Variants in UVRAG observed in about 807,000 individuals in gnomAD.
UVRAG encodes UV radiation resistance associated, also known as UV radiation resistance-associated gene protein.
UVRAG carries 19 observed loss-of-function variants against 78.0 expected under a neutral mutation model. The ratio of observed to expected loss-of-function variants is 0.24; its 90% CI spans 0.17 to 0.36. The LOEUF is 0.36. UVRAG is among the 10% of genes least tolerant of loss of function. UVRAG has a pLI of 1.00. For synonymous variants in UVRAG, 323 were observed against 324.6 expected (o/e 1.00, Z 0.05); for missense variants, 740 against 853.8 (o/e 0.87, Z 1.66).
intron 3 of UVRAG, among the ~76,000 whole-genome samples, chr11:75,871,741 A>C (rs1018691173): frequency 6.6e-6 from 1 of 152,174 alleles, no homozygotes; most frequent in African/African-American, 2.4e-5. Flanking sequence ...GTTGTAGGTT[A>C]TGTTCAGCTT....
chr11:75,995,297 C>T (rs1366275522), intron 8 of UVRAG, among the ~76,000 whole-genome samples: 2 of 151,334 alleles, frequency 1.3e-5, no homozygotes, highest in African/African-American at 4.9e-5. Flanking sequence ...TACTTTTCTC[C>T]TATTTTACTT....
At chr11:76,054,492 C>A (rs181966634) in intron 12 of UVRAG, among the ~76,000 whole-genome samples, 1 of 152,340 alleles carries the variant, frequency 6.6e-6, no homozygotes, top group African/African-American at 2.4e-5. Context: ...GCTGTGACCT[C>A]CAGGACCCTG....
intron 12 of UVRAG, among the ~76,000 whole-genome samples, chr11:76,046,216 C>T (rs373271787): frequency 6.6e-6 from 1 of 152,074 alleles, no homozygotes; most frequent in East Asian, 1.9e-4. Flanking sequence ...TGCACCTTTC[C>T]TAGGAAACTT....
intron 1 of UVRAG, among the ~76,000 whole-genome samples, chr11:75,822,981 C>T (rs1174851401): frequency 6.6e-6 from 1 of 152,094 alleles, no homozygotes; most frequent in Non-Finnish European, 1.5e-5. Flanking sequence ...TGACCATTCT[C>T]CTTCTAGGAG....
intron 8 of UVRAG, among the ~76,000 whole-genome samples, chr11:75,994,771 C>T (rs1949672798): frequency 6.6e-6 from 1 of 152,182 alleles, no homozygotes; most frequent in African/African-American, 2.4e-5. Flanking sequence ...GTCATTACTG[C>T]TTTCTCTAGT....
chr11:75,978,031 G>A (rs1172386831), intron 7 of UVRAG, among the ~76,000 whole-genome samples: 5 of 152,236 alleles, frequency 3.3e-5, no homozygotes, highest in Non-Finnish European at 4.4e-5. Flanking sequence ...CATGTTTAGC[G>A]CTTCCTTCAG....
intron 13 of UVRAG, among the ~76,000 whole-genome samples, chr11:76,084,369 G>A (rs1042332230): frequency 4.6e-5 from 7 of 152,214 alleles, no homozygotes; most frequent in Admixed American, 4.6e-4. Flanking sequence ...AGAATGTACC[G>A]CTTTTATTAA....
intron 6 of UVRAG, among the ~76,000 whole-genome samples, chr11:75,935,624 T>A (rs1948357109): frequency 6.6e-6 from 1 of 152,198 alleles, no homozygotes. Context: ...ACTCCCTGCC[T>A]TTATTTCTTG....
rs113918356 is a variant in UVRAG at position 76,078,923 on chromosome 11, T to C, written c.1305+13135T>C. ...CAGCCTGGGCTACAGAGCAAGACTC[T>C]GTCTCAGAAAAAAAAGAAATTTCAG... On this transcript the variant is annotated intron_variant, in intron 13 of 14. Coordinates refer to ENST00000356136, the MANE Select transcript of UVRAG (RefSeq NM_003369.4). Among the ~76,000 whole-genome samples, 317 of 152,000 alleles carry C rather than the reference T, an allele frequency of 2.1e-3. 1 individual carries two copies. The highest frequency in any genetic ancestry group is 7.3e-3 in the African/African-American group (302 of 41,470).
chr11:76,110,211 CATATAT>C (rs10526191), intron 13 of UVRAG, among the ~76,000 whole-genome samples: 117 of 136,668 alleles, frequency 8.6e-4, no homozygotes, highest in African/African-American at 3.4e-3. Context: ...ATATCTGGTA[CATATAT>C]ATATATATAT....
At chr11:75,927,997 G>T (rs1392979636) in intron 6 of UVRAG, among the ~76,000 whole-genome samples, 15 of 152,168 alleles carry the variant, frequency 9.9e-5, no homozygotes. Flanking sequence ...AGCTACTTGG[G>T]AGGATGAGGC....
intron 13 of UVRAG, among the ~76,000 whole-genome samples, chr11:76,112,315 T>TA (rs1221141753): frequency 3.9e-5 from 6 of 152,168 alleles, no homozygotes; most frequent in Non-Finnish European, 8.8e-5. Flanking sequence ...GAAAAAGTAT[T>TA]TGCAGCCATG....
chr11:76,030,033 T>G (rs1247518118), intron 12 of UVRAG, among the ~76,000 whole-genome samples: 1 of 152,210 alleles, frequency 6.6e-6, no homozygotes, highest in Non-Finnish European at 1.5e-5. Context: ...GTTTTTAAAC[T>G]AAGATACGTA....
At chr11:75,848,747 G>A (rs763640378) in intron 1 of UVRAG, among the ~76,000 whole-genome samples, 12 of 152,148 alleles carry the variant, frequency 7.9e-5, no homozygotes, top group Non-Finnish European at 1.3e-4. Context: ...TATCTTTTAG[G>A]TATATGTAGT....
At chr11:76,054,025 G>C (rs1351670038) in intron 12 of UVRAG, among the ~76,000 whole-genome samples, 1 of 151,832 alleles carries the variant, frequency 6.6e-6, no homozygotes, top group Admixed American at 6.6e-5. Context: ...TACAGTATAG[G>C]TTTGGTTTTC....
chr11:75,834,234 A>G (rs1473014321), intron 1 of UVRAG, among the ~76,000 whole-genome samples: 2 of 152,138 alleles, frequency 1.3e-5, no homozygotes, highest in African/African-American at 4.8e-5. Context: ...TGTCACTAGC[A>G]TAATACAGAC....
rs1455654304 is a variant in UVRAG at position 75,961,556 on chromosome 11, T to G, written c.699+7T>G. The stretch of plus-strand genomic sequence containing the variant: ...ATCTACAAGCAATGAACTGGTAGGT[T>G]TTTATGTATTTACCTGTTTACACTT... On this transcript the variant is annotated splice_region_variant and intron_variant, in intron 7 of 14. Transcript: ENST00000356136. The G allele has an allele frequency of 6.3e-7, 1 of 1,578,256 alleles. No homozygotes were observed. The highest frequency in any genetic ancestry group is 1.4e-5 in the African/African-American group (1 of 72,882).
At chr11:75,959,727 C>T (rs1031956452) in intron 6 of UVRAG, among the ~76,000 whole-genome samples, 2 of 152,202 alleles carry the variant, frequency 1.3e-5, no homozygotes, top group African/African-American at 4.8e-5. Flanking sequence ...ATGCAAGAGG[C>T]CTAGTTTTTG....
intron 13 of UVRAG, among the ~76,000 whole-genome samples, chr11:76,097,778 G>A (rs1951811470): frequency 6.6e-6 from 1 of 152,114 alleles, no homozygotes; most frequent in Non-Finnish European, 1.5e-5. Context: ...ACCATAGCTA[G>A]TTTATATAGC....
Sources: gnomAD v4.1 joint callset for allele counts (sites outside exome capture counted in the v4.1 genomes callset) on GRCh38, gnomAD v4.1.1 for gene constraint, MANE v1.5 for transcripts, NCBI Gene and HGNC (gene_info 2026-07-23, HGNC 2026-07-21) for gene names.